The following FARS2 variants were observed in gnomAD, a reference collection of about 807,000 sequenced individuals.
The protein encoded by FARS2 is phenylalanine--tRNA ligase, mitochondrial.
In FARS2, 40 loss-of-function variants were observed where a neutral mutation model predicts 46.4. The observed-to-expected ratio is 0.86, with a 90% CI of 0.67 to 1.12. FARS2 has a LOEUF of 1.12. Ranked by LOEUF, FARS2 falls within the 50% of genes most tolerant of loss-of-function variation. The pLI, the probability that FARS2 is intolerant of heterozygous loss-of-function variation, is 0.00. For synonymous variants in FARS2, 234 were observed against 214.9 expected (o/e 1.09, Z -0.78); for missense variants, 513 against 567.9 (o/e 0.90, Z 0.98).
At chr6:5,629,210 G>A (rs761087276) in intron 6 of FARS2, among the ~76,000 whole-genome samples, 12 of 152,146 alleles carry the variant, frequency 7.9e-5, no homozygotes, top group Non-Finnish European at 1.8e-4. Context: ...TAAAAAATGA[G>A]TGCTTGTCCT....
At chr6:5,679,019 G>A (rs972356834) in intron 6 of FARS2, among the ~76,000 whole-genome samples, 3 of 152,124 alleles carry the variant, frequency 2.0e-5, no homozygotes, top group Admixed American at 2.0e-4. Context: ...TGGATCAGAA[G>A]GAATGTCTGA....
chr6:5,728,139 A>G (rs1377147205), intron 6 of FARS2, among the ~76,000 whole-genome samples: 1 of 152,118 alleles, frequency 6.6e-6, no homozygotes, highest in African/African-American at 2.4e-5. Flanking sequence ...TCCTTTGTTC[A>G]TCTCAAAGGG....
At chr6:5,296,906 A>G (rs1189925482) in intron 1 of FARS2, among the ~76,000 whole-genome samples, 2 of 152,230 alleles carry the variant, frequency 1.3e-5, no homozygotes, top group African/African-American at 4.8e-5. Context: ...TATCTTTTCA[A>G]GATCCTGCTT....
Position 5,583,338 on chromosome 6 carries a change from G to C in FARS2, c.1066-29831G>C, listed in dbSNP as rs7774313. ...AGTGTTTATTGAGCACCTGCAGCCA[G>C]GTGAGAGGCATTCTGCAGAATTTGT... On this transcript the variant is annotated intron_variant, in intron 5 of 6. Coordinates refer to ENST00000274680, the MANE Select transcript of FARS2 (RefSeq NM_006567.5). Among the ~76,000 whole-genome samples, 16 of 152,310 alleles carry C rather than the reference G, an allele frequency of 1.1e-4. No individual in the cohort carries two copies. In the South Asian group the frequency reaches 2.7e-3, roughly 26 times the overall value.
intron 6 of FARS2, among the ~76,000 whole-genome samples, chr6:5,619,974 A>G (rs971268455): frequency 2.0e-5 from 3 of 151,988 alleles, no homozygotes; most frequent in East Asian, 1.9e-4. Flanking sequence ...CATTTTCCCA[A>G]TCATGACTGT....
intron 5 of FARS2, among the ~76,000 whole-genome samples, chr6:5,586,868 T>C (rs1163857732): frequency 6.6e-6 from 1 of 152,170 alleles, no homozygotes; most frequent in Non-Finnish European, 1.5e-5. Context: ...CTAAAGTCCT[T>C]GTAATCCTGA....
rs28688623 is a variant in FARS2, at chr6:5,348,176, A to T, written c.-21-20374A>T. 3.9e-3 allele frequency among the ~76,000 whole-genome samples: 599 copies of T among 152,332 alleles called. 6 individuals are homozygous for T. The highest frequency in any genetic ancestry group is 0.014 in the African/African-American group (572 of 41,568). ...ATGTAAGATTTTAGTTTTCAAAAAA[A>T]TCCATTCTCTCAATATTTTCTTTCA... is the stretch of plus-strand genomic sequence containing the variant. On this transcript the variant is annotated intron_variant, in intron 1 of 6. Transcript: ENST00000274680.
At chr6:5,329,618 A>G (rs754515943) in intron 1 of FARS2, among the ~76,000 whole-genome samples, 2 of 152,128 alleles carry the variant, frequency 1.3e-5, no homozygotes, top group African/African-American at 2.4e-5. Flanking sequence ...GTTAAATCCC[A>G]TGTTATCACC....
intron 1 of FARS2, among the ~76,000 whole-genome samples, chr6:5,306,312 G>A (rs1181646956): frequency 4.6e-5 from 7 of 152,140 alleles, no homozygotes; most frequent in East Asian, 1.9e-4. Flanking sequence ...AGTGAATGTC[G>A]AATGAAATGA....
intron 4 of FARS2, among the ~76,000 whole-genome samples, chr6:5,440,919 C>CTTTTTTTTTTT (rs56965644): frequency 1.4e-5 from 2 of 144,504 alleles, no homozygotes; most frequent in Non-Finnish European, 1.5e-5. Context: ...CATTTTCTTT[C>CTTTTTTTTTTT]TTTTTTTTTT....
chr6:5,600,334 A>T (rs961094156), intron 5 of FARS2, among the ~76,000 whole-genome samples: 2 of 152,260 alleles, frequency 1.3e-5, no homozygotes, highest in Non-Finnish European at 1.5e-5. Context: ...GTGGTTTCTT[A>T]ATGAAGTAAC....
intron 1 of FARS2, among the ~76,000 whole-genome samples, chr6:5,310,620 A>C (rs1769020567): frequency 6.6e-6 from 1 of 152,234 alleles, no homozygotes; most frequent in Non-Finnish European, 1.5e-5. Context: ...TGCTAAAAAC[A>C]AATGAAAATG....
chr6:5,611,584 T>C (rs1335350489), intron 5 of FARS2, among the ~76,000 whole-genome samples: 1 of 152,242 alleles, frequency 6.6e-6, no homozygotes, highest in Non-Finnish European at 1.5e-5. Flanking sequence ...GATTAAATGC[T>C]TTCTTTTCCG....
intron 6 of FARS2, among the ~76,000 whole-genome samples, chr6:5,651,251 A>G (rs1191236269): frequency 6.6e-6 from 1 of 152,226 alleles, no homozygotes; most frequent in African/African-American, 2.4e-5. Flanking sequence ...ATCCAGCTTG[A>G]ACTACAAAAC....
rs545662265 is a variant in FARS2, at chr6:5,318,229, G to A, written c.-21-50321G>A. On this transcript the variant is annotated intron_variant, in intron 1 of 6. Coordinates refer to ENST00000274680, the MANE Select transcript of FARS2 (RefSeq NM_006567.5). ...CAAAAATTAGCCTGGTGTGGTGGCC[G>A]GCACCTGTAGTTCCAGCTACTTGGT... Among the ~76,000 whole-genome samples, 74 of 151,992 alleles carry A rather than the reference G, an allele frequency of 4.9e-4. 1 individual carries two copies. The highest frequency in any genetic ancestry group is 1.6e-3 in the African/African-American group (67 of 41,482).
In FARS2 at chr6:5,771,566, G is replaced by T; in HGVS notation, c.*137G>T. On this transcript the variant is annotated 3_prime_UTR_variant, in exon 7 of 7. Transcript: ENST00000274680. ...GTTTTAGGACTTTCAGAAAATAAAA[G>T]ATCGCTCTTGAAAAGCTGTTGACAT... 4.3e-6 allele frequency: 4 copies of T among 930,876 alleles called. No homozygotes were observed. Among genetic ancestry groups the T allele is most frequent in the Non-Finnish European group, 4.7e-6 (3 of 637,374 alleles). 57.7% of individuals were successfully genotyped at this position (930,876 alleles called of 1,614,324 possible).
At chr6:5,348,765 C>G (rs958374176) in intron 1 of FARS2, among the ~76,000 whole-genome samples, 1 of 151,800 alleles carries the variant, frequency 6.6e-6, no homozygotes, top group Admixed American at 6.6e-5. Flanking sequence ...AGAAAAAGCA[C>G]TTGGAAAAAT....
chr6:5,633,237 TAC>T, intron 6 of FARS2, among the ~76,000 whole-genome samples: 1 of 141,638 alleles, frequency 7.1e-6, no homozygotes, highest in South Asian at 2.4e-4. Flanking sequence ...TAACAAGGAC[TAC>T]AGGTACATGC....
intron 4 of FARS2, among the ~76,000 whole-genome samples, chr6:5,450,010 C>T (rs1764394697): frequency 6.6e-6 from 1 of 152,154 alleles, no homozygotes; most frequent in Non-Finnish European, 1.5e-5. Flanking sequence ...AAAAGTTGGC[C>T]CTCTGTATAC....
Sources: gnomAD v4.1 joint callset for allele counts (sites outside exome capture counted in the v4.1 genomes callset) on GRCh38, gnomAD v4.1.1 for gene constraint, MANE v1.5 for transcripts, NCBI Gene and HGNC (gene_info 2026-07-23, HGNC 2026-07-21) for gene names.